The following KPNA6 variants were observed in gnomAD, a reference collection of about 807,000 sequenced individuals.
KPNA6 encodes the protein importin subunit alpha-7.
KPNA6 carries 9 observed loss-of-function variants against 72.0 expected under a neutral mutation model. The observed-to-expected ratio is 0.13, with a 90% CI of 0.08 to 0.22. The LOEUF is 0.22. Ranked by LOEUF, KPNA6 falls within the 10% of genes least tolerant of loss-of-function variation. The pLI, the probability that KPNA6 is intolerant of heterozygous loss-of-function variation, is 1.00. For synonymous variants in KPNA6, 219 were observed against 242.1 expected, an observed-to-expected ratio of 0.90 and a Z score of 0.89; for missense variants, 374 against 655.7, an observed-to-expected ratio of 0.57 and a Z score of 4.69.
rs146576173 is a variant in KPNA6 at position 32,139,940 on chromosome 1, T to C, written c.5-14648T>C. Among the ~76,000 whole-genome samples, 62 of 152,306 alleles carry C rather than the reference T, an allele frequency of 4.1e-4. No individual in the cohort carries two copies. The East Asian group carries it at 0.011, about 26-fold the overall frequency. On this transcript the variant is annotated intron_variant, in intron 1 of 13. Transcript: ENST00000373625. ...ATTTGAAATTTTCCATGATAAAATG[T>C]TAAAATAACAAATACAATGTGTGAA...
At chr1:32,160,271 G>A (rs892840005) in intron 6 of KPNA6, among the ~76,000 whole-genome samples, 2 of 144,600 alleles carry the variant, frequency 1.4e-5, no homozygotes, top group South Asian at 2.2e-4. Flanking sequence ...CTGCACTCCA[G>A]CCTGGGTGAC....
At chr1:32,137,765 A>T (rs1387014829) in intron 1 of KPNA6, among the ~76,000 whole-genome samples, 1 of 152,194 alleles carries the variant, frequency 6.6e-6, no homozygotes, top group Admixed American at 6.5e-5. Context: ...GATAAAAATC[A>T]GTTTCCTGAA....
chr1:32,136,393 C>G (rs1434605024), intron 1 of KPNA6, among the ~76,000 whole-genome samples: 3 of 152,038 alleles, frequency 2.0e-5, no homozygotes, highest in Non-Finnish European at 2.9e-5. Context: ...AGGCTGGTCT[C>G]AAACTCCTGA....
chr1:32,131,368 G>C (rs1011196261), intron 1 of KPNA6, among the ~76,000 whole-genome samples: 14 of 152,034 alleles, frequency 9.2e-5, no homozygotes, highest in African/African-American at 3.1e-4. Flanking sequence ...GATGCCAAAG[G>C]CTGGGCATGG....
chr1:32,132,930 C>A (rs191609923), intron 1 of KPNA6, among the ~76,000 whole-genome samples: 32 of 148,636 alleles, frequency 2.2e-4, no homozygotes, highest in African/African-American at 7.6e-4. Context: ...ATATGGGGTC[C>A]CACTCTGTTG....
At chr1:32,170,624 C>A in intron 13 of KPNA6, 83 bp from the exon 14 acceptor site, 2 of 1,172,100 alleles carry the variant, frequency 1.7e-6, no homozygotes, top group Non-Finnish European at 2.5e-6. Context: ...TAACATACCT[C>A]AGGGAAGGAA....
At chr1:32,137,071 A>G (rs1374745575) in intron 1 of KPNA6, among the ~76,000 whole-genome samples, 1 of 152,122 alleles carries the variant, frequency 6.6e-6, no homozygotes, top group Non-Finnish European at 1.5e-5. Flanking sequence ...GTAAGTGCTC[A>G]TTTTACTTTA....
rs1298240690 is a variant in KPNA6, at chr1:32,163,334, G to A, written c.990+21G>A. 5.7e-6 allele frequency: 9 copies of A among 1,571,726 alleles called. No individual in the cohort carries two copies. The Admixed American group carries it at 1.4e-4, about 24-fold the overall frequency. On this transcript the variant is annotated intron_variant, in intron 10 of 13. Coordinates refer to ENST00000373625, the MANE Select transcript of KPNA6 (RefSeq NM_012316.5). ...CCCAGGTAAGAAAGAGGAGGGTGCA[G>A]GATCTTAGACCAGCTATGGAAGAGC... is the stretch of plus-strand genomic sequence containing the variant.
At chr1:32,155,700 A>ATTAT (rs1553130177) in intron 2 of KPNA6, among the ~76,000 whole-genome samples, 6 of 148,204 alleles carry the variant, frequency 4.0e-5, no homozygotes, top group African/African-American at 1.5e-4. Flanking sequence ...TCACCTGATT[A>ATTAT]TTATTATTTA....
intron 5 of KPNA6, 117 bp from the exon 6 acceptor site, chr1:32,159,283 G>A (rs891205121): frequency 2.9e-6 from 3 of 1,033,798 alleles, no homozygotes; most frequent in African/African-American, 3.2e-5. Context: ...TGTTTTGTGA[G>A]GTTTTGTTTT....
chr1:32,140,526 CTAAT>C (rs1416700446), intron 1 of KPNA6, among the ~76,000 whole-genome samples: 20 of 152,190 alleles, frequency 1.3e-4, no homozygotes, highest in African/African-American at 4.3e-4. Flanking sequence ...TAGAATAAAA[CTAAT>C]ATGATGTTAA....
At chr1:32,114,456 A>G (rs1641295498) in intron 1 of KPNA6, among the ~76,000 whole-genome samples, 2 of 140,306 alleles carry the variant, frequency 1.4e-5, no homozygotes, top group Admixed American at 7.0e-5. Context: ...AAAAAAATAT[A>G]TATATATATA....
At chr1:32,108,444 A>C (rs1009504866) in intron 1 of KPNA6, among the ~76,000 whole-genome samples, 4 of 152,218 alleles carry the variant, frequency 2.6e-5, no homozygotes, top group Admixed American at 6.5e-5. Flanking sequence ...TCCTGCGCCC[A>C]GACTGGGGCT....
intron 1 of KPNA6, among the ~76,000 whole-genome samples, chr1:32,122,516 G>A (rs1298986563): frequency 6.6e-6 from 1 of 152,128 alleles, no homozygotes; most frequent in Non-Finnish European, 1.5e-5. Context: ...CTGGCACAGT[G>A]GCTGATGCCT....
At chr1:32,138,371 C>G (rs1360064781) in intron 1 of KPNA6, among the ~76,000 whole-genome samples, 2 of 151,622 alleles carry the variant, frequency 1.3e-5, no homozygotes, top group Non-Finnish European at 2.9e-5. Flanking sequence ...TGGAGAAACC[C>G]CATCTCTACT....
chr1:32,143,441 C>T (rs576263617), intron 1 of KPNA6, among the ~76,000 whole-genome samples: 9 of 151,574 alleles, frequency 5.9e-5, no homozygotes, highest in African/African-American at 1.7e-4. Context: ...AAAAATTAGC[C>T]GGGCATGGTG....
intron 1 of KPNA6, among the ~76,000 whole-genome samples, chr1:32,132,390 A>G (rs1233621187): frequency 6.6e-6 from 1 of 152,184 alleles, no homozygotes; most frequent in Non-Finnish European, 1.5e-5. Context: ...CCTCAACCGC[A>G]AGGGCTCAGG....
chr1:32,129,161 TTTTC>T (rs1418215688), intron 1 of KPNA6, among the ~76,000 whole-genome samples: 5 of 151,374 alleles, frequency 3.3e-5, no homozygotes, highest in South Asian at 2.1e-4. Context: ...TTCCTCTTTT[TTTTC>T]TTTCTTTTTT....
rs555128187 is a variant in KPNA6, at chr1:32,161,871, T to A, written c.648-76T>A. On this transcript the variant is annotated intron_variant, in intron 7 of 13. Coordinates refer to ENST00000373625, the MANE Select transcript of KPNA6 (RefSeq NM_012316.5). ...TAGAGTCTGAGAGGTCTCATTGGAT[T>A]TGTCTCTGGGTTCATTGGCAACAGT... 9 of 1,068,956 alleles carry A rather than the reference T, an allele frequency of 8.4e-6. No homozygotes were observed. In the East Asian group the frequency reaches 2.0e-4, roughly 23 times the overall value. The allele number at this position is 1,068,956 out of a possible 1,614,324, so 66.2% of individuals were successfully genotyped here.
Sources: gnomAD v4.1 joint callset for allele counts (sites outside exome capture counted in the v4.1 genomes callset) on GRCh38, gnomAD v4.1.1 for gene constraint, MANE v1.5 for transcripts, NCBI Gene and HGNC (gene_info 2026-07-23, HGNC 2026-07-21) for gene names.